FRMD4B: variants seen among roughly 807,000 people sequenced by gnomAD.
FRMD4B encodes FERM domain-containing protein 4B.
In FRMD4B, 74 loss-of-function variants were observed where a neutral mutation model predicts 141.5. The ratio of observed to expected loss-of-function variants is 0.52; its 90% CI spans 0.43 to 0.63. The LOEUF is 0.63. Among genes scored for constraint, FRMD4B ranks in the 30% least tolerant of loss-of-function variants. The probability of loss-of-function intolerance (pLI) is 0.00; values close to 1 mark genes in which losing one functional copy is unlikely to be tolerated. For missense variants in FRMD4B, 1,366 were observed against 1,253.4 expected (o/e 1.09, Z -1.36); for synonymous variants, 506 against 467.9 (o/e 1.08, Z -1.05).
At chr3:69,425,351 C>T (rs12492375) in intron 2 of FRMD4B, among the ~76,000 whole-genome samples, 38,733 of 152,106 alleles carry the variant, frequency 0.25, 5,561 homozygotes, top group East Asian at 0.47. Context: ...GAACTTGCTG[C>T]TCATTAGTTC....
intron 1 of FRMD4B, among the ~76,000 whole-genome samples, chr3:69,359,091 T>C (rs971075239): frequency 6.6e-6 from 1 of 152,152 alleles, no homozygotes; most frequent in Admixed American, 6.5e-5. Flanking sequence ...CTGCTGGGCA[T>C]GGTGCTAAGT....
intron 4 of FRMD4B, among the ~76,000 whole-genome samples, chr3:69,292,413 C>G (rs964202372): frequency 6.6e-6 from 1 of 152,238 alleles, no homozygotes; most frequent in Non-Finnish European, 1.5e-5. Context: ...TGCTGGGTAG[C>G]TTGGCACCAA....
chr3:69,325,067 A>G (rs1045294720), intron 1 of FRMD4B, among the ~76,000 whole-genome samples: 5 of 124,308 alleles, frequency 4.0e-5, no homozygotes, highest in African/African-American at 1.5e-4. Flanking sequence ...CAACAGTGAG[A>G]TACTGTCTAA....
intron 1 of FRMD4B, among the ~76,000 whole-genome samples, chr3:69,505,643 G>C (rs1706583131): frequency 6.6e-6 from 1 of 152,136 alleles, no homozygotes; most frequent in Admixed American, 6.6e-5. Flanking sequence ...AGGTTTCATA[G>C]CACCTAAGAA....
At chr3:69,307,952 T>C (rs1415221548) in intron 3 of FRMD4B, among the ~76,000 whole-genome samples, 1 of 152,184 alleles carries the variant, frequency 6.6e-6, no homozygotes, top group Non-Finnish European at 1.5e-5. Context: ...CAAATGTACC[T>C]TGTTCGTTGC....
intron 1 of FRMD4B, among the ~76,000 whole-genome samples, chr3:69,457,746 A>T (rs1305455477): frequency 6.6e-6 from 1 of 152,234 alleles, no homozygotes; most frequent in African/African-American, 2.4e-5. Flanking sequence ...TTTAGAAAAG[A>T]AGTTTTCTGG....
intron 5 of FRMD4B, among the ~76,000 whole-genome samples, chr3:69,278,478 T>C (rs2093628696): frequency 6.6e-6 from 1 of 151,998 alleles, no homozygotes. Flanking sequence ...AAAAATTTTC[T>C]GTAGGCACAG....
chr3:69,305,071 C>T (rs1701349295), intron 3 of FRMD4B, among the ~76,000 whole-genome samples: 1 of 152,156 alleles, frequency 6.6e-6, no homozygotes, highest in South Asian at 2.1e-4. Flanking sequence ...TACAATAAGC[C>T]AGTGAGGAAA....
chr3:69,398,421 T>C (rs1237423985), intron 2 of FRMD4B, among the ~76,000 whole-genome samples: 1 of 152,224 alleles, frequency 6.6e-6, no homozygotes, highest in South Asian at 2.1e-4. Context: ...AATATCCTCC[T>C]TTTAGATGAT....
intron 1 of FRMD4B, among the ~76,000 whole-genome samples, chr3:69,339,827 G>A (rs900118649): frequency 2.0e-5 from 3 of 152,086 alleles, no homozygotes; most frequent in African/African-American, 7.2e-5. Context: ...ACCCCTCAGT[G>A]TCTTCATCTC....
At chr3:69,394,320 C>T (rs548848281) in intron 2 of FRMD4B, among the ~76,000 whole-genome samples, 1 of 152,340 alleles carries the variant, frequency 6.6e-6, no homozygotes, top group East Asian at 1.9e-4. Flanking sequence ...CTCCCCAAAG[C>T]TCCACCAAAT....
At chr3:69,247,683 C>G (rs2093434112) in intron 7 of FRMD4B, among the ~76,000 whole-genome samples, 1 of 152,176 alleles carries the variant, frequency 6.6e-6, no homozygotes, top group Non-Finnish European at 1.5e-5. Context: ...GAGTCTCGCT[C>G]TTTTGCCCAG....
intron 1 of FRMD4B, among the ~76,000 whole-genome samples, chr3:69,366,144 C>T (rs929015618): frequency 2.0e-5 from 3 of 151,348 alleles, no homozygotes; most frequent in South Asian, 2.1e-4. Context: ...CTTGTAATCC[C>T]GGCTACTTGG....
intron 1 of FRMD4B, among the ~76,000 whole-genome samples, chr3:69,324,965 T>C (rs1702130795): frequency 6.6e-6 from 1 of 151,386 alleles, no homozygotes; most frequent in Admixed American, 6.6e-5. Context: ...TGTAGTCCTA[T>C]GTACTTGAGA....
At chr3:69,289,786 G>A (rs1700812528) in intron 4 of FRMD4B, among the ~76,000 whole-genome samples, 1 of 151,840 alleles carries the variant, frequency 6.6e-6, no homozygotes, top group African/African-American at 2.4e-5. Flanking sequence ...GGCAACAGAG[G>A]GAGACTCTGT....
chr3:69,492,112 C>G (rs1706309260), intron 1 of FRMD4B, among the ~76,000 whole-genome samples: 1 of 152,162 alleles, frequency 6.6e-6, no homozygotes, highest in East Asian at 1.9e-4. Flanking sequence ...AATCAAGATT[C>G]CCTCTCATCT....
intron 1 of FRMD4B, among the ~76,000 whole-genome samples, chr3:69,381,161 TA>T (rs1704109440): frequency 6.6e-6 from 1 of 152,236 alleles, no homozygotes; most frequent in African/African-American, 2.4e-5. Context: ...GCTTTTTATT[TA>T]GTCTCATTAC....
At chr3:69,314,053 G>A (rs1176414915) in intron 1 of FRMD4B, among the ~76,000 whole-genome samples, 1 of 139,348 alleles carries the variant, frequency 7.2e-6, no homozygotes, top group Non-Finnish European at 1.5e-5. Context: ...GCAGGAGAAT[G>A]GCGTGAACCC....
chr3:69,458,796 G>T (rs73835857), intron 1 of FRMD4B, among the ~76,000 whole-genome samples: 4,190 of 147,012 alleles, frequency 0.029, 195 homozygotes, highest in African/African-American at 0.1. Flanking sequence ...TAGAATGTGG[G>T]TCTTCCATGA....
Sources: gnomAD v4.1 joint callset for allele counts (sites outside exome capture counted in the v4.1 genomes callset) on GRCh38, gnomAD v4.1.1 for gene constraint, MANE v1.5 for transcripts, NCBI Gene and HGNC (gene_info 2026-07-23, HGNC 2026-07-21) for gene names.